GRIK1: variants seen among roughly 807,000 people sequenced by gnomAD.
The protein encoded by GRIK1 is glutamate receptor ionotropic, kainate 1.
In GRIK1, 69 loss-of-function variants were observed where a neutral mutation model predicts 105.7. The observed-to-expected ratio is 0.65, with a 90% CI of 0.54 to 0.80. The LOEUF (loss-of-function observed/expected upper bound fraction) is 0.80, where lower values mean the gene tolerates loss of function less well. GRIK1 is among the 30% of genes least tolerant of loss of function. GRIK1 has a pLI of 0.00. For synonymous variants in GRIK1, 438 were observed against 431.3 expected (o/e 1.02, Z -0.19); for missense variants, 1,109 against 1,167.3 (o/e 0.95, Z 0.73).
intron 1 of GRIK1, among the ~76,000 whole-genome samples, chr21:29,789,460 G>C (rs1388546131): frequency 6.6e-6 from 1 of 152,162 alleles, no homozygotes; most frequent in South Asian, 2.1e-4. Flanking sequence ...TACAAAGAAA[G>C]ATGTCTCCTG....
At chr21:29,898,613 A>G (rs2070266708) in intron 1 of GRIK1, among the ~76,000 whole-genome samples, 1 of 152,198 alleles carries the variant, frequency 6.6e-6, no homozygotes, top group South Asian at 2.1e-4. Context: ...AAGATAGCAT[A>G]CCTGCTGGGT....
chr21:29,761,911 T>G (rs926708596), intron 1 of GRIK1, among the ~76,000 whole-genome samples: 2 of 152,174 alleles, frequency 1.3e-5, no homozygotes, highest in African/African-American at 2.4e-5. Context: ...CATGCCTGGC[T>G]AATTTTTTGT....
intron 1 of GRIK1, among the ~76,000 whole-genome samples, chr21:29,907,009 T>C (rs1173005057): frequency 6.7e-6 from 1 of 149,404 alleles, no homozygotes; most frequent in Admixed American, 6.6e-5. Flanking sequence ...CTCTTTGAGA[T>C]GAATCAATAA....
At chr21:29,671,965 T>C (rs964571346) in intron 4 of GRIK1, among the ~76,000 whole-genome samples, 1 of 152,012 alleles carries the variant, frequency 6.6e-6, no homozygotes, top group South Asian at 2.1e-4. Context: ...CCCCCCAAAA[T>C]GTCTTCAGAC....
intron 17 of GRIK1, 38 bp downstream of exon 17, chr21:29,537,760 T>C: frequency 1.1e-6 from 1 of 929,068 alleles, no homozygotes; most frequent in Non-Finnish European, 1.8e-6. Flanking sequence ...TATCAAGGCA[T>C]ACGGACACTT....
At chr21:29,926,807 A>C (rs2071386537) in intron 1 of GRIK1, among the ~76,000 whole-genome samples, 1 of 152,152 alleles carries the variant, frequency 6.6e-6, no homozygotes, top group Admixed American at 6.5e-5. Flanking sequence ...AATAATGGAC[A>C]ATTATTTATA....
intron 1 of GRIK1, among the ~76,000 whole-genome samples, chr21:29,915,019 A>C (rs1028790680): frequency 6.6e-6 from 1 of 152,096 alleles, no homozygotes; most frequent in African/African-American, 2.4e-5. Context: ...TGTTTTTTAC[A>C]TAATTTCTAA....
intron 6 of GRIK1, among the ~76,000 whole-genome samples, chr21:29,647,697 C>T (rs1445691108): frequency 6.6e-6 from 1 of 152,058 alleles, no homozygotes; most frequent in Non-Finnish European, 1.5e-5. Context: ...CCAGTCTATC[C>T]AAAAGCTGAA....
At chr21:29,876,596 G>T (rs1050834177) in intron 1 of GRIK1, among the ~76,000 whole-genome samples, 4 of 152,192 alleles carry the variant, frequency 2.6e-5, no homozygotes, top group South Asian at 2.1e-4. Flanking sequence ...ATCGCCCAGG[G>T]AAATGTAATC....
At position 29,561,706 on chromosome 21, in the gene GRIK1, C is replaced by T. The variant is rs780028040; in HGVS notation, c.2274G>A (p.Glu758=). 5.0e-6 allele frequency: 8 copies of T among 1,614,002 alleles called. No homozygotes were observed. The East Asian group carries it at 1.1e-4, about 22-fold the overall frequency. ...GGTTGCAGTTTCTCTGCGTCACATA[C>T]TCAATGCTGGTGGACTCCATCAGCA... is the stretch of plus-strand genomic sequence containing the variant. ...YALLMESTSI[E]YVTQRNCNLT... The change falls in exon 15 of 18, where the codon GAG becomes GAA. Residue 758 remains glutamate (E), a synonymous_variant. Coordinates refer to ENST00000327783, the MANE Select transcript of GRIK1 (RefSeq NM_001330994.2).
Position 29,537,106 on chromosome 21 carries a change from C to A in GRIK1, c.*124G>T. 1.9e-6 allele frequency: 1 copy of A among 516,120 alleles called. No individual in the cohort carries two copies. The highest frequency in any genetic ancestry group is 4.1e-5 in the Admixed American group (1 of 24,106). The allele number at this position is 516,120 out of a possible 1,614,324, so 32.0% of individuals were successfully genotyped here. A position where few individuals can be genotyped will look rare whatever the true frequency, so the allele number is the denominator to read the frequency against. ...TTTTAAACTTTTGTATTTCTTATAT[C>A]TGTATTCATAATCAGAGTTATGGAT... On this transcript the variant is annotated 3_prime_UTR_variant, in exon 18 of 18. Coordinates refer to ENST00000327783, the MANE Select transcript of GRIK1 (RefSeq NM_001330994.2).
intron 5 of GRIK1, among the ~76,000 whole-genome samples, 169 bp from the exon 6 acceptor site, chr21:29,651,460 A>C (rs1229429637): frequency 6.6e-6 from 1 of 152,190 alleles, no homozygotes; most frequent in Non-Finnish European, 1.5e-5. Context: ...GAACATGTTA[A>C]ATGGAAAACT....
At chr21:29,849,745 G>C (rs147182277) in intron 1 of GRIK1, among the ~76,000 whole-genome samples, 27 of 152,276 alleles carry the variant, frequency 1.8e-4, no homozygotes, top group Non-Finnish European at 2.9e-4. Context: ...GATGAGTGCC[G>C]GTAAGGGTTC....
At chr21:29,788,977 C>T (rs2066337788) in intron 1 of GRIK1, among the ~76,000 whole-genome samples, 2 of 152,280 alleles carry the variant, frequency 1.3e-5, no homozygotes, top group Admixed American at 1.3e-4. Context: ...TGGCCCAGTT[C>T]CTAACAGGCC....
intron 1 of GRIK1, among the ~76,000 whole-genome samples, chr21:29,856,550 C>A (rs1158729322): frequency 6.6e-6 from 1 of 152,166 alleles, no homozygotes; most frequent in Non-Finnish European, 1.5e-5. Context: ...AAATCGTTCA[C>A]ACATCTATTC....
chr21:29,658,191 G>C (rs931902335), intron 4 of GRIK1, among the ~76,000 whole-genome samples: 1 of 152,074 alleles, frequency 6.6e-6, no homozygotes, highest in Non-Finnish European at 1.5e-5. Flanking sequence ...TATCAATACT[G>C]TTCATATGGA....
chr21:29,695,158 CATCAGAGAATGAGCTCTG>C (rs1292228936), intron 1 of GRIK1, among the ~76,000 whole-genome samples: 1 of 152,118 alleles, frequency 6.6e-6, no homozygotes, highest in Non-Finnish European at 1.5e-5. Flanking sequence ...CTTAAAGCCT[CATCAGAGAATGAGCTCTG>C]ATTTTGCTTG....
chr21:29,585,219 G>T (rs2091104741), intron 12 of GRIK1, among the ~76,000 whole-genome samples: 1 of 152,018 alleles, frequency 6.6e-6, no homozygotes, highest in Admixed American at 6.6e-5. Flanking sequence ...GGTGGTAGTG[G>T]GGGTACTGTT....
At chr21:29,732,521 G>A (rs966984801) in intron 1 of GRIK1, among the ~76,000 whole-genome samples, 4 of 152,154 alleles carry the variant, frequency 2.6e-5, no homozygotes, top group Non-Finnish European at 5.9e-5. Flanking sequence ...CTGTCTTTGA[G>A]TTGGCCAGTA....
Sources: gnomAD v4.1 joint callset for allele counts (sites outside exome capture counted in the v4.1 genomes callset) on GRCh38, gnomAD v4.1.1 for gene constraint, MANE v1.5 for transcripts, NCBI Gene and HGNC (gene_info 2026-07-23, HGNC 2026-07-21) for gene names.